The following CBX5 variants were observed in gnomAD, a reference collection of about 807,000 sequenced individuals.
CBX5 encodes the protein chromobox 5.
In CBX5, 7 loss-of-function variants were observed where a neutral mutation model predicts 20.7. The observed-to-expected ratio is 0.34, with a 90% CI of 0.19 to 0.63. The LOEUF (loss-of-function observed/expected upper bound fraction) is 0.63, where lower values mean the gene tolerates loss of function less well. Ranked by LOEUF, CBX5 falls within the 30% of genes least tolerant of loss-of-function variation. CBX5 has a pLI of 0.75. For synonymous variants in CBX5, 78 were observed against 77.0 expected (o/e 1.01, Z -0.07); for missense variants, 110 against 224.1 (o/e 0.49, Z 3.25).
intron 4 of CBX5, among the ~76,000 whole-genome samples, chr12:54,243,040 C>T (rs1943694659): frequency 6.6e-6 from 1 of 152,060 alleles, no homozygotes; most frequent in Non-Finnish European, 1.5e-5. Context: ...GGGAGGATCA[C>T]TTGGGCTTGG....
rs1224118442 is a variant in CBX5, at chr12:54,241,854, T to C, written c.477A>G (p.Lys159=). The C allele has an allele frequency of 6.2e-7, 1 of 1,613,862 alleles. No homozygotes were observed. Among genetic ancestry groups the C allele is most frequent in the Non-Finnish European group, 8.5e-7 (1 of 1,179,996 alleles). The change falls in exon 5 of 5, where the codon AAA becomes AAG. Residue 159 remains lysine (K), a synonymous_variant. Coordinates refer to ENST00000209875, the MANE Select transcript of CBX5 (RefSeq NM_012117.3). ...DLVLAKEANV[K]CPQIVIAFYE... ...AAAATGCTATCACAATTTGTGGACATTTCACATTAGCTTCTTTTGCAAGAA... is the reference window on the plus strand; with the variant it reads ...AAAATGCTATCACAATTTGTGGACACTTCACATTAGCTTCTTTTGCAAGAA...
chr12:54,279,919 C>G lies in CBX5; in HGVS notation c.-43+89G>C, dbSNP rs1319775939. ...CGCTGCCCCTTCACTATCCCCCCAC[C>G]CCGCCGTCCATTCATTTCACACAAT... On this transcript the variant is annotated intron_variant, in intron 1 of 4. Transcript: ENST00000209875. 2.0e-5 allele frequency: 3 copies of G among 152,604 alleles called. No homozygotes were observed. In the Admixed American group the frequency reaches 2.0e-4, roughly 10 times the overall value. 9.5% of individuals were successfully genotyped at this position (152,604 alleles called of 1,614,324 possible).
At chr12:54,263,790 A>AAAAAAG (rs1163901575) in intron 1 of CBX5, among the ~76,000 whole-genome samples, 1 of 146,340 alleles carries the variant, frequency 6.8e-6, no homozygotes, top group Non-Finnish European at 1.5e-5. Flanking sequence ...AAAAGAAAAG[A>AAAAAAG]AAAAAGAAAA....
At chr12:54,258,389 T>C (rs1379595976) in intron 1 of CBX5, 1 of 152,108 alleles carries the variant, frequency 6.6e-6, no homozygotes, top group Non-Finnish European at 1.5e-5. Flanking sequence ...AAATTCAAAA[T>C]TAGTCACTAG....
rs1307257829 is a variant in CBX5 at position 54,238,527 on chromosome 12, A to C, written c.*3228T>G. 6.6e-6 allele frequency: 1 copy of C among 152,240 alleles called. No individual in the cohort carries two copies. Among genetic ancestry groups the C allele is most frequent in the African/African-American group, 2.4e-5 (1 of 41,448 alleles). The allele number at this position is 152,240 out of a possible 1,614,324, so 9.4% of individuals were successfully genotyped here. On this transcript the variant is annotated 3_prime_UTR_variant, in exon 5 of 5. Coordinates refer to ENST00000209875, the MANE Select transcript of CBX5 (RefSeq NM_012117.3). ...ATCTAAATGAAGATTTAGCTTAGAA[A>C]GCATGAAGATAGTATGTTCCAATTT...
At chr12:54,242,681 A>G (rs1340868591) in intron 4 of CBX5, among the ~76,000 whole-genome samples, 1 of 152,162 alleles carries the variant, frequency 6.6e-6, no homozygotes, top group Non-Finnish European at 1.5e-5. Context: ...CCCTCTGGCC[A>G]GAACTGTGGA....
In CBX5 at chr12:54,238,295, G is replaced by A. The variant is rs961677422; in HGVS notation, c.*3460C>T. On this transcript the variant is annotated 3_prime_UTR_variant, in exon 5 of 5. Coordinates refer to ENST00000209875, the MANE Select transcript of CBX5 (RefSeq NM_012117.3). ...GAGACTACCTCCAAGAATCATCCAC[G>A]GAAGGATGTCAGCCATTTAACCAGG... 2 of 152,160 alleles carry A rather than the reference G, an allele frequency of 1.3e-5. No individual in the cohort carries two copies. Among genetic ancestry groups the A allele is most frequent in the African/African-American group, 4.8e-5 (2 of 41,424 alleles). 9.4% of individuals were successfully genotyped at this position (152,160 alleles called of 1,614,324 possible). A position where few individuals can be genotyped will look rare whatever the true frequency, so the allele number is the denominator to read the frequency against.
chr12:54,238,384 C>A lies in CBX5; in HGVS notation c.*3371G>T, dbSNP rs1943644219. The A allele has an allele frequency of 6.6e-6, 1 of 151,920 alleles. No individual in the cohort carries two copies. Among genetic ancestry groups the A allele is most frequent in the South Asian group, 2.1e-4 (1 of 4,806 alleles). 9.4% of individuals were successfully genotyped at this position (151,920 alleles called of 1,614,324 possible). A position where few individuals can be genotyped will look rare whatever the true frequency, so the allele number is the denominator to read the frequency against. ...AGTAGAAGAGTCTCCTGAAAAATAT[C>A]CGTATTTGAAAAGGCAGCAGGAGTT... is the stretch of plus-strand genomic sequence containing the variant. On this transcript the variant is annotated 3_prime_UTR_variant, in exon 5 of 5. Transcript: ENST00000209875.
chr12:54,268,075 C>T (rs1387499743), intron 1 of CBX5, among the ~76,000 whole-genome samples: 1 of 152,058 alleles, frequency 6.6e-6, no homozygotes, highest in Non-Finnish European at 1.5e-5. Context: ...ACCCGGGAGA[C>T]GGAGGTTACA....
intron 1 of CBX5, among the ~76,000 whole-genome samples, chr12:54,271,056 A>C (rs1465881866): frequency 1.3e-5 from 2 of 152,228 alleles, no homozygotes; most frequent in East Asian, 1.9e-4. Flanking sequence ...ACCCCGTTTA[A>C]ATTTTTTTAA....
In CBX5 at chr12:54,231,149, T is replaced by G. The variant is rs1943564863; in HGVS notation, c.*10606A>C. 6.6e-6 allele frequency: 1 copy of G among 152,090 alleles called. No individual in the cohort carries two copies. The highest frequency in any genetic ancestry group is 6.6e-5 in the Admixed American group (1 of 15,264). 9.4% of individuals were successfully genotyped at this position (152,090 alleles called of 1,614,324 possible). ...TTAAAAAAAAAATCAAAAGCAGACA[T>G]GTTTGGCTGAAATAAAACCAAGAAA... On this transcript the variant is annotated 3_prime_UTR_variant, in exon 5 of 5. Transcript: ENST00000209875.
intron 1 of CBX5, chr12:54,262,762 A>G (rs958727636): frequency 3.3e-5 from 5 of 152,566 alleles, no homozygotes; most frequent in Non-Finnish European, 7.3e-5. Context: ...CAGATAAAGC[A>G]TCAAGACTGG....
chr12:54,268,630 A>G (rs1943979873), intron 1 of CBX5, among the ~76,000 whole-genome samples: 1 of 152,228 alleles, frequency 6.6e-6, no homozygotes, highest in African/African-American at 2.4e-5. Flanking sequence ...GAGGGCCTAA[A>G]AAGTGTCAAG....
chr12:54,257,305 C>A (rs1943870332), intron 2 of CBX5, among the ~76,000 whole-genome samples: 1 of 152,212 alleles, frequency 6.6e-6, no homozygotes. Context: ...CTAACCAATT[C>A]ATTATACTGC....
At chr12:54,268,480 A>G (rs1943978402) in intron 1 of CBX5, among the ~76,000 whole-genome samples, 1 of 152,220 alleles carries the variant, frequency 6.6e-6, no homozygotes, top group Non-Finnish European at 1.5e-5. Flanking sequence ...GAGTGTTTTG[A>G]TGTGTTACAT....
At chr12:54,270,519 C>T (rs565232067) in intron 1 of CBX5, among the ~76,000 whole-genome samples, 7 of 152,300 alleles carry the variant, frequency 4.6e-5, no homozygotes, top group Non-Finnish European at 1.0e-4. Flanking sequence ...GTGATCCTCT[C>T]GCCTCAGCTT....
intron 2 of CBX5, among the ~76,000 whole-genome samples, chr12:54,256,906 C>A (rs999427299): frequency 5.9e-5 from 9 of 152,148 alleles, no homozygotes; most frequent in Non-Finnish European, 1.3e-4. Flanking sequence ...CACAGTCACC[C>A]AGGCTGGAGT....
rs554207401 is a variant in CBX5, at chr12:54,238,292, C to T, written c.*3463G>A. On this transcript the variant is annotated 3_prime_UTR_variant, in exon 5 of 5. Coordinates refer to ENST00000209875, the MANE Select transcript of CBX5 (RefSeq NM_012117.3). The stretch of plus-strand genomic sequence containing the variant: ...TCTGAGACTACCTCCAAGAATCATC[C>T]ACGGAAGGATGTCAGCCATTTAACC... 27 of 152,232 alleles carry T rather than the reference C, an allele frequency of 1.8e-4. 1 individual carries two copies. The highest frequency in any genetic ancestry group is 6.0e-4 in the African/African-American group (25 of 41,552). The allele number at this position is 152,232 out of a possible 1,614,324, so 9.4% of individuals were successfully genotyped here.
chr12:54,256,752 T>G (rs1451581510), intron 2 of CBX5, among the ~76,000 whole-genome samples: 1 of 152,204 alleles, frequency 6.6e-6, no homozygotes, highest in Non-Finnish European at 1.5e-5. Context: ...AAATAAAATA[T>G]TATTAAAATT....
Sources: gnomAD v4.1 joint callset for allele counts (sites outside exome capture counted in the v4.1 genomes callset) on GRCh38, gnomAD v4.1.1 for gene constraint, MANE v1.5 for transcripts, NCBI Gene and HGNC (gene_info 2026-07-23, HGNC 2026-07-21) for gene names.